CUX1: variants seen among roughly 807,000 people sequenced by gnomAD.
CUX1 encodes the protein cut like homeobox 1.
In CUX1, 31 loss-of-function variants were observed where a neutral mutation model predicts 158.8. That is an observed-to-expected ratio of 0.20 (90% confidence interval 0.15 to 0.26). The LOEUF (loss-of-function observed/expected upper bound fraction) is 0.26. CUX1 is among the 10% of genes least tolerant of loss of function. The probability of loss-of-function intolerance (pLI) is 1.00; values close to 1 mark genes in which losing one functional copy is unlikely to be tolerated. For synonymous variants in CUX1, 879 were observed against 862.1 expected (o/e 1.02, Z -0.34); for missense variants, 1,589 against 2,014.6 (o/e 0.79, Z 4.04).
Position 101,836,702 on chromosome 7 carries a change from A to G in CUX1, c.30+19033A>G, listed in dbSNP as rs1184083975. Among the ~76,000 whole-genome samples the G allele has an allele frequency of 2.0e-4, 31 of 151,574 alleles. No individual in the cohort carries two copies. In the South Asian group the frequency reaches 5.2e-3, roughly 25 times the overall value. On this transcript the variant is annotated intron_variant, in intron 1 of 23. Transcript: ENST00000292535. ...TCCTTCTCAAAAAAAAAAAAAAAAA[A>G]AAAAGAATCCTGGCTGTTCCTTCCC...
intron 8 of CUX1, among the ~76,000 whole-genome samples, chr7:102,149,695 C>T (rs782355385): frequency 9.2e-5 from 14 of 152,294 alleles, no homozygotes; most frequent in Non-Finnish European, 2.1e-4. Context: ...TGCAGACCAG[C>T]CCTTCTCCGT....
At chr7:102,193,308 C>T (rs1794472665) in intron 12 of CUX1, among the ~76,000 whole-genome samples, 1 of 152,224 alleles carries the variant, frequency 6.6e-6, no homozygotes, top group Non-Finnish European at 1.5e-5. Context: ...ATACTCTGAA[C>T]AGACCTGGTG....
chr7:102,159,666 G>A (rs913070911), intron 9 of CUX1, among the ~76,000 whole-genome samples: 1 of 152,056 alleles, frequency 6.6e-6, no homozygotes, highest in Admixed American at 6.6e-5. Flanking sequence ...TTTGAGACCA[G>A]CCTGGCCAAT....
In CUX1 at chr7:102,213,759, G is replaced by A. The variant is rs533792244; in HGVS notation, c.3130+8589G>A. 4.6e-5 allele frequency among the ~76,000 whole-genome samples: 7 copies of A among 152,334 alleles called. No homozygotes were observed. The South Asian group carries it at 1.0e-3, about 23-fold the overall frequency. ...GAAACCCTCAGGTGATTGCAGAAAG[G>A]GGGGTGGGAATAAAACAAGGGAGTC... On this transcript the variant is annotated intron_variant, in intron 20 of 23. Coordinates refer to ENST00000292535, the MANE Select transcript of CUX1 (RefSeq NM_181552.4).
chr7:102,051,423 G>A (rs1266787851), intron 3 of CUX1, among the ~76,000 whole-genome samples: 1 of 151,800 alleles, frequency 6.6e-6, no homozygotes, highest in Admixed American at 6.6e-5. Context: ...TGACGCGGGC[G>A]TATCACCTGA....
intron 8 of CUX1, among the ~76,000 whole-genome samples, chr7:102,147,495 TC>T (rs1835146601): frequency 6.6e-6 from 1 of 152,064 alleles, no homozygotes; most frequent in Admixed American, 6.6e-5. Flanking sequence ...TCAATACTTC[TC>T]CCCCAAGACT....
chr7:102,086,088 T>C (rs529653164), intron 4 of CUX1, among the ~76,000 whole-genome samples: 1 of 152,202 alleles, frequency 6.6e-6, no homozygotes, highest in Admixed American at 6.5e-5. Context: ...CTTTTAAATA[T>C]CTGTAGGATG....
At chr7:101,918,200 G>A (rs764228696) in intron 2 of CUX1, among the ~76,000 whole-genome samples, 87 of 152,216 alleles carry the variant, frequency 5.7e-4, no homozygotes, top group Middle Eastern at 6.8e-3. Context: ...GTCCCCCTTC[G>A]GTCACCCTGT....
intron 2 of CUX1, among the ~76,000 whole-genome samples, chr7:102,006,629 C>T (rs767821190): frequency 3.3e-4 from 50 of 152,154 alleles, no homozygotes; most frequent in Non-Finnish European, 6.6e-4. Flanking sequence ...GCGATCCACC[C>T]GCTTCAGCCT....
At position 102,248,946 on chromosome 7, in the gene CUX1, C is replaced by T. The variant is rs1586437561; in HGVS notation, c.4422C>T (p.Asn1474=). The T allele has an allele frequency of 1.3e-6, 2 of 1,485,808 alleles. No homozygotes were observed. The highest frequency in any genetic ancestry group is 2.2e-5 in the Admixed American group (1 of 46,492). The allele number at this position is 1,485,808 out of a possible 1,614,324, so 92.0% of individuals were successfully genotyped here. The stretch of plus-strand genomic sequence containing the variant: ...CGGGCGCCCGGGACTCGCGCGACAA[C>T]CCCCTGCGCAAGAAGAAGGCCGCGA... ...EAAGARDSRD[N]PLRKKKAANL... is the part of the protein sequence containing the mutation. The change falls in exon 24 of 24, where the codon AAC becomes AAT. Residue 1474 remains asparagine (N), a synonymous_variant. Transcript: ENST00000292535. This position sits in a 1 kb window ranked among gnomAD's most constrained non-coding sequence, Gnocchi z 5.8.
chr7:101,943,526 G>A (rs2129142536), intron 2 of CUX1, among the ~76,000 whole-genome samples: 1 of 152,192 alleles, frequency 6.6e-6, no homozygotes, highest in South Asian at 2.1e-4. Flanking sequence ...CGTCTTTGGT[G>A]CAGTCTTGGT....
intron 3 of CUX1, among the ~76,000 whole-genome samples, chr7:102,044,445 C>T (rs1585397938): frequency 6.6e-6 from 1 of 151,884 alleles, no homozygotes; most frequent in East Asian, 1.9e-4. Flanking sequence ...CTGCCTTGGC[C>T]TCCCAAAGTG....
chr7:102,148,050 C>A (rs1371422675), intron 8 of CUX1, among the ~76,000 whole-genome samples: 2 of 152,080 alleles, frequency 1.3e-5, no homozygotes, highest in African/African-American at 4.8e-5. Context: ...CTGCTGTGTT[C>A]CCTGGAACTA....
chr7:101,908,551 C>T (rs2131831055), intron 1 of CUX1, among the ~76,000 whole-genome samples: 1 of 152,028 alleles, frequency 6.6e-6, no homozygotes, highest in East Asian at 1.9e-4. Flanking sequence ...TCAGGTGATC[C>T]ACCCACCTCA....
In CUX1 at chr7:102,097,392, G is replaced by A; in HGVS notation, c.297G>A (p.Gln99=). The A allele has an allele frequency of 6.2e-7, 1 of 1,611,168 alleles. No individual in the cohort carries two copies. The highest frequency in any genetic ancestry group is 1.1e-5 in the South Asian group (1 of 90,204). ...PDPVPALDLG[Q]QLQLKVQRLH... ...CCGTACCAGCTTTGGATCTCGGACA[G>A]CAACTCCAGCTCAAAGTGCAGCGCC... The change falls in exon 5 of 24, where the codon CAG becomes CAA. Residue 99 remains glutamine (Q), a synonymous_variant. Coordinates refer to ENST00000292535, the MANE Select transcript of CUX1 (RefSeq NM_181552.4).
intron 18 of CUX1, among the ~76,000 whole-genome samples, chr7:102,278,662 TAA>T (rs1416897656): frequency 1.1e-5 from 1 of 93,712 alleles, no homozygotes; most frequent in Admixed American, 1.2e-4. Flanking sequence ...AATAAAAAAA[TAA>T]AATAAAATAT....
chr7:101,978,284 A>C (rs1812971969), intron 2 of CUX1, among the ~76,000 whole-genome samples: 1 of 152,046 alleles, frequency 6.6e-6, no homozygotes, highest in Admixed American at 6.5e-5. Flanking sequence ...GACCCCTCCC[A>C]CACACACCGC....
intron 2 of CUX1, among the ~76,000 whole-genome samples, chr7:101,947,961 C>T (rs950647393): frequency 6.6e-6 from 1 of 152,174 alleles, no homozygotes; most frequent in African/African-American, 2.4e-5. Flanking sequence ...TCTGTTGCAC[C>T]TGATCTCCAG....
intron 1 of CUX1, among the ~76,000 whole-genome samples, chr7:101,883,299 G>A (rs1485994681): frequency 6.6e-6 from 1 of 152,174 alleles, no homozygotes; most frequent in Non-Finnish European, 1.5e-5. Context: ...TCCCAATCCT[G>A]CCAGTGATTT....
Sources: gnomAD v4.1 joint callset for allele counts (sites outside exome capture counted in the v4.1 genomes callset) on GRCh38, gnomAD v4.1.1 for gene constraint, Gnocchi (gnomAD v3.1) non-coding constraint, MANE v1.5 for transcripts, NCBI Gene and HGNC (gene_info 2026-07-23, HGNC 2026-07-21) for gene names.